The following UBASH3B variants were observed in gnomAD, a reference collection of about 807,000 sequenced individuals.
The protein encoded by UBASH3B is ubiquitin-associated and SH3 domain-containing protein B.
Under a neutral mutation model 83.4 loss-of-function variants are expected in UBASH3B, and 37 were observed. The ratio of observed to expected loss-of-function variants is 0.44; its 90% CI spans 0.34 to 0.58. The LOEUF (loss-of-function observed/expected upper bound fraction) is 0.58, where lower values mean the gene tolerates loss of function less well. Among genes scored for constraint, UBASH3B ranks in the 20% least tolerant of loss-of-function variants. UBASH3B has a pLI of 0.01. For missense variants in UBASH3B, 657 were observed against 827.2 expected (o/e 0.79, Z 2.52); for synonymous variants, 304 against 318.3 (o/e 0.96, Z 0.48).
chr11:122,765,338 G>A (rs1179231010), intron 1 of UBASH3B, among the ~76,000 whole-genome samples: 1 of 152,164 alleles, frequency 6.6e-6, no homozygotes, highest in East Asian at 1.9e-4. Context: ...CTAAGGAGAG[G>A]CTTATTGGCC....
chr11:122,705,454 TAAAAAAAA>T (rs60998227), intron 1 of UBASH3B, among the ~76,000 whole-genome samples: 5 of 59,556 alleles, frequency 8.4e-5, no homozygotes, highest in South Asian at 4.5e-4. Context: ...TCGAAAAACA[TAAAAAAAA>T]AAAAAAAAAG....
chr11:122,727,609 T>C (rs1860766117), intron 1 of UBASH3B: 1 of 152,142 alleles, frequency 6.6e-6, no homozygotes, highest in Non-Finnish European at 1.5e-5. Context: ...ACAGCGAGGC[T>C]ATCGTCTTGA....
rs201537744 is a variant in UBASH3B at position 122,809,905 on chromosome 11, A to T, written c.*19A>T. 2.7e-3 allele frequency: 4,283 copies of T among 1,611,762 alleles called. 6 individuals carry two copies. The highest frequency in any genetic ancestry group is 3.3e-3 in the Non-Finnish European group (3,950 of 1,179,412). ...AGAATAAACCACACCAGTGAACAAG[A>T]AGGAAAGGCCTTTTGGAGTGTGTCT... On this transcript the variant is annotated 3_prime_UTR_variant, in exon 14 of 14. Coordinates refer to ENST00000284273, the MANE Select transcript of UBASH3B (RefSeq NM_032873.5).
intron 11 of UBASH3B, among the ~76,000 whole-genome samples, chr11:122,803,912 A>G (rs1179661967): frequency 2.0e-5 from 3 of 152,038 alleles, no homozygotes; most frequent in South Asian, 2.1e-4. Flanking sequence ...GGCTAGCAGC[A>G]TGACGTGACC....
At chr11:122,713,302 G>T (rs1188233682) in intron 1 of UBASH3B, among the ~76,000 whole-genome samples, 1 of 152,080 alleles carries the variant, frequency 6.6e-6, no homozygotes, top group African/African-American at 2.4e-5. Flanking sequence ...CCCAAGAATA[G>T]CCACACGACG....
At chr11:122,750,673 A>AT (rs1382921372) in intron 1 of UBASH3B, among the ~76,000 whole-genome samples, 5 of 152,118 alleles carry the variant, frequency 3.3e-5, no homozygotes, top group African/African-American at 1.2e-4. Context: ...TCTAGAGTCC[A>AT]TTTTTCATAA....
chr11:122,741,349 AC>A, intron 1 of UBASH3B, among the ~76,000 whole-genome samples: 1 of 152,364 alleles, frequency 6.6e-6, no homozygotes, highest in South Asian at 2.1e-4. Flanking sequence ...GCAGAAACAA[AC>A]CCAAACCCAC....
At chr11:122,775,085 A>G (rs1381248571) in intron 1 of UBASH3B, among the ~76,000 whole-genome samples, 2 of 152,248 alleles carry the variant, frequency 1.3e-5, no homozygotes, top group African/African-American at 4.8e-5. Context: ...CCTTTAGGGC[A>G]GGGATCACAT....
intron 1 of UBASH3B, among the ~76,000 whole-genome samples, chr11:122,763,528 A>G (rs930170569): frequency 2.0e-5 from 3 of 152,132 alleles, no homozygotes; most frequent in Non-Finnish European, 4.4e-5. Context: ...GCCCCCAAAT[A>G]GCTCAGGAAA....
At chr11:122,729,368 A>G (rs1355693525) in intron 1 of UBASH3B, among the ~76,000 whole-genome samples, 2 of 152,146 alleles carry the variant, frequency 1.3e-5, no homozygotes, top group African/African-American at 4.8e-5. Flanking sequence ...CCTGAGCCAC[A>G]CACTGGGGCT....
rs1861451308 is a variant in UBASH3B, at chr11:122,811,700, G to T, written c.*1814G>T. The T allele has an allele frequency of 6.6e-6, 1 of 152,130 alleles. No individual in the cohort carries two copies. Among genetic ancestry groups the T allele is most frequent in the South Asian group, 2.1e-4 (1 of 4,828 alleles). 9.4% of individuals were successfully genotyped at this position (152,130 alleles called of 1,614,324 possible). On this transcript the variant is annotated 3_prime_UTR_variant, in exon 14 of 14. Coordinates refer to ENST00000284273, the MANE Select transcript of UBASH3B (RefSeq NM_032873.5). ...CATTTTGAGAAACAAATCAATCATG[G>T]TTTCTTCTAGCGTTGCGCAAACACT...
Position 122,794,816 on chromosome 11 carries a change from C to T in UBASH3B, c.1095C>T (p.Ile365=). Residue 365 remains isoleucine (I), a synonymous_variant, in exon 7 of 14, where the codon ATC becomes ATT. Coordinates refer to ENST00000284273, the MANE Select transcript of UBASH3B (RefSeq NM_032873.5). ...QGLGETTPLT[I]ICQPMQPLRV... is the part of the protein sequence containing the mutation. ...TCGGGGAGACGACTCCTCTTACTAT[C>T]ATCTGCCAGCCCATGCAGGTAAGGC... 11 of 1,613,800 alleles carry T rather than the reference C, an allele frequency of 6.8e-6. No individual in the cohort carries two copies. The highest frequency in any genetic ancestry group is 9.3e-6 in the Non-Finnish European group (11 of 1,179,920).
intron 1 of UBASH3B, among the ~76,000 whole-genome samples, chr11:122,767,377 T>C (rs1860565445): frequency 6.6e-6 from 1 of 152,064 alleles, no homozygotes; most frequent in South Asian, 2.1e-4. Flanking sequence ...ATGGCACGAT[T>C]TCGGCTCACT....
At position 122,758,778 on chromosome 11, in the gene UBASH3B, G is replaced by A. The variant is rs1007383328; in HGVS notation, c.162-17441G>A. On this transcript the variant is annotated intron_variant, in intron 1 of 13. Coordinates refer to ENST00000284273, the MANE Select transcript of UBASH3B (RefSeq NM_032873.5). The surrounding 1 kb of genome is among the most constrained non-coding windows in gnomAD (Gnocchi z 4.2). ...TCAAGTTTTAACTGATGGCAGGAGC[G>A]AAATGCAATGAATTCAGATCAGCAA... 5.3e-5 allele frequency among the ~76,000 whole-genome samples: 8 copies of A among 152,326 alleles called. No individual in the cohort carries two copies. Among genetic ancestry groups the A allele is most frequent in the South Asian group, 4.1e-4 (2 of 4,832 alleles).
chr11:122,714,600 C>T (rs34870409), intron 1 of UBASH3B, among the ~76,000 whole-genome samples: 4,701 of 152,318 alleles, frequency 0.031, 85 homozygotes, highest in Middle Eastern at 0.048. Flanking sequence ...TGCTGCTTCA[C>T]GGTCGTGTGA....
chr11:122,689,141 A>G (rs1478262911), intron 1 of UBASH3B, among the ~76,000 whole-genome samples: 3 of 152,318 alleles, frequency 2.0e-5, no homozygotes, highest in Admixed American at 6.5e-5. Context: ...TAGCCCCACA[A>G]TGTAAAAAGT....
At chr11:122,656,598 C>T (rs1420288314) in intron 1 of UBASH3B, among the ~76,000 whole-genome samples, 1 of 152,210 alleles carries the variant, frequency 6.6e-6, no homozygotes, top group East Asian at 1.9e-4. Context: ...CTCGGGCACC[C>T]TCTCCGTCTG....
At chr11:122,799,113 C>T in intron 10 of UBASH3B, 79 bp downstream of exon 10, 2 of 1,201,872 alleles carry the variant, frequency 1.7e-6, no homozygotes, top group Non-Finnish European at 2.4e-6. Context: ...TATCTTAGAG[C>T]CATGGGACAT....
At chr11:122,664,147 T>A (rs1162352744) in intron 1 of UBASH3B, among the ~76,000 whole-genome samples, 5 of 152,198 alleles carry the variant, frequency 3.3e-5, no homozygotes, top group Non-Finnish European at 7.3e-5. Flanking sequence ...AACTGCATTC[T>A]GCTCTCTGTG....
Sources: allele counts gnomAD v4.1 joint callset (sites outside exome capture counted in the v4.1 genomes callset), GRCh38; gene constraint gnomAD v4.1.1; non-coding constraint Gnocchi (gnomAD v3.1); transcripts MANE v1.5; gene names NCBI Gene and HGNC (gene_info 2026-07-23, HGNC 2026-07-21).